RFX7: variants seen among roughly 807,000 people sequenced by gnomAD.
The protein encoded by RFX7 is regulatory factor X7, also known as DNA-binding protein RFX7.
Under a neutral mutation model 111.8 loss-of-function variants are expected in RFX7, and 26 were observed. The ratio of observed to expected loss-of-function variants is 0.23; its 90% confidence interval spans 0.17 to 0.32. The LOEUF (loss-of-function observed/expected upper bound fraction) is 0.32. Ranked by LOEUF, RFX7 falls within the 10% of genes least tolerant of loss-of-function variation. The pLI is 1.00. For synonymous variants in RFX7, 624 were observed against 624.4 expected (o/e 1.00, Z 0.01); for missense variants, 1,573 against 1,772.9 (o/e 0.89, Z 2.02).
intron 9 of RFX7, among the ~76,000 whole-genome samples, chr15:56,097,504 G>A (rs781531692): frequency 6.6e-6 from 1 of 152,096 alleles, no homozygotes; most frequent in Non-Finnish European, 1.5e-5. Context: ...TATAATCCCA[G>A]TACTTTGGGA....
intron 2 of RFX7, among the ~76,000 whole-genome samples, chr15:56,230,066 T>C (rs1409709424): frequency 2.6e-5 from 4 of 151,720 alleles, no homozygotes; most frequent in African/African-American, 9.8e-5. Context: ...CCTTGGGTCT[T>C]GTCTCCTAAA....
At chr15:56,192,803 T>C in intron 2 of RFX7, 2 of 224,554 alleles carry the variant, frequency 8.9e-6, no homozygotes, top group Non-Finnish European at 2.0e-5. Flanking sequence ...CAAATCGGTC[T>C]TGTTTGGTGG....
At chr15:56,123,557 C>T (rs1457944344) in intron 5 of RFX7, among the ~76,000 whole-genome samples, 1 of 152,190 alleles carries the variant, frequency 6.6e-6, no homozygotes, top group African/African-American at 2.4e-5. Context: ...CAGGCACTCC[C>T]TTGGCCACCC....
At chr15:56,149,735 A>G (rs1309427639) in intron 3 of RFX7, among the ~76,000 whole-genome samples, 1 of 151,850 alleles carries the variant, frequency 6.6e-6, no homozygotes, top group Non-Finnish European at 1.5e-5. Flanking sequence ...CTACCCTACC[A>G]GGGCCCTGGG....
intron 5 of RFX7, among the ~76,000 whole-genome samples, chr15:56,132,978 A>T (rs1013712068): frequency 6.6e-5 from 10 of 152,142 alleles, no homozygotes; most frequent in Admixed American, 4.6e-4. Flanking sequence ...AACAACAAAA[A>T]TGTATACATT....
intron 2 of RFX7, among the ~76,000 whole-genome samples, chr15:56,241,773 C>T (rs1567058301): frequency 6.6e-6 from 1 of 152,078 alleles, no homozygotes; most frequent in African/African-American, 2.4e-5. Flanking sequence ...TTCAAGTTGC[C>T]ACAACATGAC....
At chr15:56,175,887 T>C (rs1707461719) in intron 3 of RFX7, among the ~76,000 whole-genome samples, 1 of 152,144 alleles carries the variant, frequency 6.6e-6, no homozygotes, top group African/African-American at 2.4e-5. Context: ...GGTCAGAAAC[T>C]AGGCTCTGGA....
chr15:56,111,772 G>A (rs186651609), intron 5 of RFX7, among the ~76,000 whole-genome samples: 172 of 150,844 alleles, frequency 1.1e-3, no homozygotes, highest in Non-Finnish European at 1.8e-3. Context: ...CCTGGATCCA[G>A]ACAAGTGTAT....
chr15:56,183,522 TG>T (rs1176689424), intron 2 of RFX7, among the ~76,000 whole-genome samples: 1 of 152,218 alleles, frequency 6.6e-6, no homozygotes, highest in Non-Finnish European at 1.5e-5. Context: ...ACTAAATTTC[TG>T]TACACGCTTG....
Position 56,093,556 on chromosome 15 carries a change from G to A in RFX7, c.4172C>T (p.Ser1391Leu), listed in dbSNP as rs1341031672. The change falls in exon 10 of 10, where the codon TCA becomes TTA. Residue 1391 changes from serine to leucine, a missense_variant. By Grantham distance (145) the Ser-to-Leu change is moderately radical. Coordinates refer to ENST00000559447, the MANE Select transcript of RFX7 (RefSeq NM_022841.7). ...AGTGTTCAAATCATTGATGCTGCCTGAGAGCTCAGAAGACAACCTGATATC... is the reference window on the plus strand; with the variant it reads ...AGTGTTCAAATCATTGATGCTGCCTAAGAGCTCAGAAGACAACCTGATATC... Reference protein sequence around the residue: ...SSDIRLSSELSGSINDLNTLD... With the variant: ...SSDIRLSSELLGSINDLNTLD... The A allele has an allele frequency of 1.3e-5, 21 of 1,613,650 alleles. No individual in the cohort carries two copies. Among genetic ancestry groups the A allele is most frequent in the Middle Eastern group, 1.6e-4 (1 of 6,080 alleles).
rs1436612633 is a variant in RFX7 at position 56,094,383 on chromosome 15, G to T, written c.3345C>A (p.Asp1115Glu). ...CAGGAGTCAAACGACCAAAATGAGT[G>T]TCATGATGTCTGGATTGAGACTGAT... ...QSYQSQSRHH[D>E]THFGRLTPVS... The change falls in exon 10 of 10, where the codon GAC becomes GAA. Residue 1115 changes from aspartate (D) to glutamate (E), a missense_variant. Coordinates refer to ENST00000559447, the MANE Select transcript of RFX7 (RefSeq NM_022841.7). The T allele has an allele frequency of 1.2e-6, 2 of 1,613,824 alleles. No individual in the cohort carries two copies. The highest frequency in any genetic ancestry group is 1.7e-6 in the Non-Finnish European group (2 of 1,179,876).
At chr15:56,124,376 C>T (rs940335647) in intron 5 of RFX7, among the ~76,000 whole-genome samples, 13 of 151,140 alleles carry the variant, frequency 8.6e-5, no homozygotes, top group African/African-American at 2.7e-4. Context: ...GAGCCGAGAT[C>T]GTGCCACTCC....
intron 3 of RFX7, among the ~76,000 whole-genome samples, chr15:56,166,820 T>G (rs1433249830): frequency 3.9e-5 from 6 of 152,078 alleles, no homozygotes; most frequent in Non-Finnish European, 8.8e-5. Context: ...GGCGGCACAA[T>G]TGTAGCTCCT....
At chr15:56,144,362 T>TA (rs1307294672) in intron 4 of RFX7, 39 bp downstream of exon 4, 1 of 1,172,228 alleles carries the variant, frequency 8.5e-7, no homozygotes, top group East Asian at 4.7e-5. Flanking sequence ...GGACATCCTA[T>TA]AAACAGCATA....
At chr15:56,216,600 T>C (rs1249409873) in intron 2 of RFX7, among the ~76,000 whole-genome samples, 1 of 152,234 alleles carries the variant, frequency 6.6e-6, no homozygotes, top group East Asian at 1.9e-4. Context: ...TTTAATTTTC[T>C]ATTTAATCAA....
At chr15:56,240,798 A>C (rs1441512955) in intron 2 of RFX7, among the ~76,000 whole-genome samples, 4 of 152,196 alleles carry the variant, frequency 2.6e-5, no homozygotes, top group Non-Finnish European at 4.4e-5. Flanking sequence ...ATAATTTGTA[A>C]AATAATATTA....
At chr15:56,177,360 G>A (rs761410110) in intron 3 of RFX7, among the ~76,000 whole-genome samples, 4 of 151,974 alleles carry the variant, frequency 2.6e-5, no homozygotes, top group African/African-American at 4.8e-5. Flanking sequence ...ATCATTTATC[G>A]TTATCTGAAT....
chr15:56,186,024 G>A lies in RFX7; in HGVS notation c.162-6721C>T, dbSNP rs562238526. Among the ~76,000 whole-genome samples, 7 of 152,120 alleles carry A rather than the reference G, an allele frequency of 4.6e-5. No homozygotes were observed. In the South Asian group the frequency reaches 6.2e-4, roughly 14 times the overall value. On this transcript the variant is annotated intron_variant, in intron 2 of 9. Coordinates refer to ENST00000559447, the MANE Select transcript of RFX7 (RefSeq NM_022841.7). The stretch of plus-strand genomic sequence containing the variant: ...AATGGTTCCAGACCAATTTGTATAC[G>A]GATTTATTGATTTAGAGTCCTTGTA...
rs746076426 is a variant in RFX7 at position 56,096,077 on chromosome 15, G to T, written c.1651C>A (p.Gln551Lys). The T allele has an allele frequency of 1.2e-6, 2 of 1,613,604 alleles. No individual in the cohort carries two copies. Among genetic ancestry groups the T allele is most frequent in the Non-Finnish European group, 1.7e-6 (2 of 1,179,738 alleles). ...GCCTCATCAGAGTTCTCTTGGCACT[G>T]TACAGGATGCTCATCTGATGATGTT... ...PETSSDEHPV[Q>K]CQENSDEAKA... Residue 551 changes from glutamine to lysine, a missense_variant, in exon 10 of 10, where the codon CAG becomes AAG. Physicochemically the swap from Gln to Lys is moderately conservative, Grantham distance 53. Around this residue, in one of 7 missense-constraint regions of RFX7, gnomAD observed 625 missense variants for 632.2 expected, o/e 0.99. Transcript: ENST00000559447.
Sources: allele counts gnomAD v4.1 joint callset (sites outside exome capture counted in the v4.1 genomes callset), GRCh38; gene constraint gnomAD v4.1.1; regional missense constraint gnomAD v4.1.1; transcripts MANE v1.5; gene names NCBI Gene and HGNC (gene_info 2026-07-23, HGNC 2026-07-21).